Variants in ASB14 observed in about 807,000 individuals in gnomAD.
The protein encoded by ASB14 is ankyrin repeat and SOCS box containing 14.
In ASB14, 63 loss-of-function variants were observed where a neutral mutation model predicts 55.6. The observed-to-expected ratio is 1.13, with a 90% CI of 0.92 to 1.40. The LOEUF (loss-of-function observed/expected upper bound fraction) is 1.40. Ranked by LOEUF, ASB14 falls within the 40% of genes most tolerant of loss-of-function variation. The pLI is 0.00. For missense variants in ASB14, 724 were observed against 710.4 expected, an observed-to-expected ratio of 1.02 and a Z score of -0.22; for synonymous variants, 256 against 259.9, an observed-to-expected ratio of 0.98 and a Z score of 0.15.
chr3:57,288,910 G>A (rs2061104204), intron 3 of ASB14, 158 bp downstream of exon 3: 2 of 499,534 alleles, frequency 4.0e-6, no homozygotes, highest in Admixed American at 3.8e-5. Flanking sequence ...GAGACAGGGG[G>A]TTTCACCATG....
At chr3:57,287,160 T>G (rs1163416734) in intron 5 of ASB14, among the ~76,000 whole-genome samples, 2 of 152,240 alleles carry the variant, frequency 1.3e-5, no homozygotes, top group African/African-American at 2.4e-5. Context: ...CCTTTGGCTA[T>G]TTGCTCATAA....
chr3:57,289,201 G>A (rs1559525413), intron 2 of ASB14, 78 bp from the exon 3 acceptor site: 1 of 972,564 alleles, frequency 1.0e-6, no homozygotes, highest in East Asian at 2.7e-5. Flanking sequence ...AAAAGGAAAG[G>A]GTAATGGTAG....
At chr3:57,290,669 G>A (rs1368947888) in intron 2 of ASB14, among the ~76,000 whole-genome samples, 1 of 152,112 alleles carries the variant, frequency 6.6e-6, no homozygotes, top group African/African-American at 2.4e-5. Context: ...ATCTAATCAA[G>A]TAAATGCATA....
At chr3:57,287,861 C>A (rs1395600325) in intron 5 of ASB14, 40 bp downstream of exon 5, 5 of 1,525,768 alleles carry the variant, frequency 3.3e-6, no homozygotes, top group African/African-American at 1.4e-5. Context: ...GAAGGAGACT[C>A]AGTGCCACAG....
intron 10 of ASB14, chr3:57,272,327 G>C (rs1417517441): frequency 6.6e-6 from 1 of 152,112 alleles, no homozygotes; most frequent in East Asian, 1.9e-4. Flanking sequence ...CCTAAAGCTA[G>C]TCTAGTTTTT....
chr3:57,274,329 A>G (rs2107618538), intron 10 of ASB14, among the ~76,000 whole-genome samples: 1 of 152,330 alleles, frequency 6.6e-6, no homozygotes, highest in African/African-American at 2.4e-5. Context: ...TAAATGTGAC[A>G]CAAGTATGGT....
intron 6 of ASB14, among the ~76,000 whole-genome samples, chr3:57,280,769 T>C (rs2061034221): frequency 1.3e-5 from 2 of 152,196 alleles, no homozygotes; most frequent in Non-Finnish European, 2.9e-5. Flanking sequence ...AAAAGTTGCT[T>C]TTATTTCTAG....
intron 7 of ASB14, 113 bp downstream of exon 7, chr3:57,280,189 A>AAAAAT: frequency 2.3e-6 from 1 of 429,942 alleles, no homozygotes; most frequent in Non-Finnish European, 3.9e-6. Flanking sequence ...AAAAAAAAGT[A>AAAAAT]TGTTTAGATT....
chr3:57,275,398 G>C (rs969943508), intron 10 of ASB14, among the ~76,000 whole-genome samples: 1 of 149,234 alleles, frequency 6.7e-6, no homozygotes. Flanking sequence ...ATTGCAGTGA[G>C]CTGAGATCAT....
chr3:57,289,108 C>G lies in ASB14; in HGVS notation c.138G>C (p.Leu46Phe), dbSNP rs1272470431. ...CAACTATCTTCTTATAGTCAGCGCT[C>G]AAAAAGGAATGCAAACTGCAAAGAA... ...APKDESLHSF[L>F]SADYKKIVET... Residue 46 changes from leucine to phenylalanine, a missense_variant, in exon 3 of 11, where the codon TTG becomes TTC. Leu to Phe is a conservative substitution (Grantham distance 22). Transcript: ENST00000487349. 6.5e-7 allele frequency: 1 copy of G among 1,529,098 alleles called. No homozygotes were observed. Among genetic ancestry groups the G allele is most frequent in the East Asian group, 2.4e-5 (1 of 40,818 alleles). 94.7% of individuals were successfully genotyped at this position (1,529,098 alleles called of 1,614,324 possible).
chr3:57,275,376 C>T (rs1031798269), intron 10 of ASB14, among the ~76,000 whole-genome samples: 4 of 150,706 alleles, frequency 2.7e-5, no homozygotes, highest in Non-Finnish European at 5.9e-5. Context: ...CGCTTGAACC[C>T]GGGAGGCAGA....
In ASB14 at chr3:57,276,677, A is replaced by G. The variant is rs769076047; in HGVS notation, c.1637T>C (p.Met546Thr). The G allele has an allele frequency of 7.4e-6, 12 of 1,614,016 alleles. No homozygotes were observed. The African/African-American group carries it at 9.3e-5, about 13-fold the overall frequency. ...HLCRLKIRKC[M>T]GRLHLRCPVF... Reference sequence around the variant, plus strand: ...AGGGCAGCGCAAATGTAACCGTCCCATGCATTTCCGGATCTTTAGGCGGCA... The same window carrying G: ...AGGGCAGCGCAAATGTAACCGTCCCGTGCATTTCCGGATCTTTAGGCGGCA... The change falls in exon 10 of 11, where the codon ATG becomes ACG. Residue 546 changes from methionine (M) to threonine (T), a missense_variant. Coordinates refer to ENST00000487349, the MANE Select transcript of ASB14 (RefSeq NM_001142733.3).
rs1479049494 is a variant in ASB14, at chr3:57,291,894, C to T, written c.122+18G>A. ...AATACAACACTTAATACTATATTGC[C>T]GATGAGAAAACCATTACCTCTCATC... On this transcript the variant is annotated intron_variant, in intron 2 of 10. Transcript: ENST00000487349. 9 of 1,519,062 alleles carry T rather than the reference C, an allele frequency of 5.9e-6. No homozygotes were observed. The highest frequency in any genetic ancestry group is 3.4e-4 in the Middle Eastern group (2 of 5,966). The allele number at this position is 1,519,062 out of a possible 1,614,324, so 94.1% of individuals were successfully genotyped here.
At position 57,289,091 on chromosome 3, in the gene ASB14, TTC is replaced by T; in HGVS notation, c.153_154del (p.Lys52AspfsTer3). 3 of 1,529,864 alleles carry T rather than the reference TTC, an allele frequency of 2.0e-6. No individual in the cohort carries two copies. In the Middle Eastern group the frequency reaches 5.0e-4, roughly 256 times the overall value. 94.8% of individuals were successfully genotyped at this position (1,529,864 alleles called of 1,614,324 possible). A position where few individuals can be genotyped will look rare whatever the true frequency, so the allele number is the denominator to read the frequency against. ...AACTTTCTCTATTGTTTCAACTATC[TTC>T]TTATAGTCAGCGCTCAAAAAGGAAT... On this transcript the variant is annotated frameshift_variant, in exon 3 of 11. Coordinates refer to ENST00000487349, the MANE Select transcript of ASB14 (RefSeq NM_001142733.3). LOFTEE classifies it high-confidence loss of function.
At chr3:57,283,067 A>C in intron 6 of ASB14, 127 bp downstream of exon 6, 1 of 1,321,580 alleles carries the variant, frequency 7.6e-7, no homozygotes, top group Non-Finnish European at 1.0e-6. Context: ...ATTAACCCAT[A>C]ATTTTTATCA....
chr3:57,280,514 C>G, intron 6 of ASB14, 41 bp from the exon 7 acceptor site: 1 of 1,508,202 alleles, frequency 6.6e-7, no homozygotes, highest in Non-Finnish European at 9.0e-7. Context: ...AAATTATTTT[C>G]CACTGTATTT....
At chr3:57,277,961 A>C in intron 8 of ASB14, 41 bp from the exon 9 acceptor site, 1 of 1,558,676 alleles carries the variant, frequency 6.4e-7, no homozygotes. Flanking sequence ...TAAATGAAAA[A>C]CACAAAGTAT....
chr3:57,279,258 G>GTTTTT (rs2061016409), intron 7 of ASB14, among the ~76,000 whole-genome samples: 1 of 109,058 alleles, frequency 9.2e-6, no homozygotes. Flanking sequence ...TTGGTCAAGA[G>GTTTTT]TTTTTCTTTT....
At chr3:57,279,258 G>C (rs1451963204) in intron 7 of ASB14, among the ~76,000 whole-genome samples, 2 of 109,060 alleles carry the variant, frequency 1.8e-5, no homozygotes, top group Non-Finnish European at 3.6e-5. Context: ...TTGGTCAAGA[G>C]TTTTTCTTTT....
Sources: gnomAD v4.1 joint callset for allele counts (sites outside exome capture counted in the v4.1 genomes callset) on GRCh38, gnomAD v4.1.1 for gene constraint, MANE v1.5 for transcripts, NCBI Gene and HGNC (gene_info 2026-07-23, HGNC 2026-07-21) for gene names.